AACS: variants seen among roughly 807,000 people sequenced by gnomAD.
The protein encoded by AACS is acetoacetate-CoA ligase.
Under a neutral mutation model 83.1 loss-of-function variants are expected in AACS, and 69 were observed. The observed-to-expected ratio is 0.83, with a 90% confidence interval of 0.68 to 1.01. The LOEUF (loss-of-function observed/expected upper bound fraction) is 1.01, where lower values mean the gene tolerates loss of function less well. Among genes scored for constraint, AACS ranks in the 50% least tolerant of loss-of-function variants. The pLI, the probability that AACS is intolerant of heterozygous loss-of-function variation, is 0.00. For synonymous variants in AACS, 333 were observed against 343.4 expected, an observed-to-expected ratio of 0.97 and a Z score of 0.33; for missense variants, 866 against 882.2, an observed-to-expected ratio of 0.98 and a Z score of 0.23.
rs77693635 is a variant in AACS, at chr12:125,115,682, C to T, written c.996+1125C>T. On this transcript the variant is annotated intron_variant, in intron 9 of 17. Coordinates refer to ENST00000316519, the MANE Select transcript of AACS (RefSeq NM_023928.5). ...ACAGATGCAGGAGGGAGGACAACCCCCCCACCCCAGTGACCTCACACAGGT... is the reference window on the plus strand; with the variant it reads ...ACAGATGCAGGAGGGAGGACAACCCTCCCACCCCAGTGACCTCACACAGGT... 5.6e-3 allele frequency among the ~76,000 whole-genome samples: 857 copies of T among 152,184 alleles called. 5 individuals carry two copies. Among genetic ancestry groups the T allele is most frequent in the African/African-American group, 0.02 (814 of 41,532 alleles).
chr12:125,109,342 C>G (rs1245819734), intron 8 of AACS, among the ~76,000 whole-genome samples: 1 of 152,144 alleles, frequency 6.6e-6, no homozygotes, highest in East Asian at 1.9e-4. Flanking sequence ...GTCATGAACT[C>G]TTGGGCTCAA....
chr12:125,133,248 T>G (rs1409978390), intron 14 of AACS, among the ~76,000 whole-genome samples: 1 of 152,162 alleles, frequency 6.6e-6, no homozygotes, highest in Non-Finnish European at 1.5e-5. Flanking sequence ...TTCTCTTCAC[T>G]GTTTGGCGCC....
Position 125,097,911 on chromosome 12 carries a change from C to T in AACS, c.571-4768C>T, listed in dbSNP as rs945546737. Reference sequence around the variant, plus strand: ...GTCCTCCTTCATACGTTTGATTGAGCGGTTCCTCGGTTCCTCTGTGACCCC... The same window carrying T: ...GTCCTCCTTCATACGTTTGATTGAGTGGTTCCTCGGTTCCTCTGTGACCCC... On this transcript the variant is annotated intron_variant, in intron 5 of 17. Coordinates refer to ENST00000316519, the MANE Select transcript of AACS (RefSeq NM_023928.5). This position sits in a 1 kb window ranked among gnomAD's most constrained non-coding sequence, Gnocchi z 4.3. 2.0e-5 allele frequency among the ~76,000 whole-genome samples: 3 copies of T among 152,220 alleles called. No homozygotes were observed. The highest frequency in any genetic ancestry group is 4.4e-5 in the Non-Finnish European group (3 of 68,042).
At chr12:125,068,572 T>C (rs1227555181) in intron 1 of AACS, among the ~76,000 whole-genome samples, 1 of 152,236 alleles carries the variant, frequency 6.6e-6, no homozygotes, top group African/African-American at 2.4e-5. Flanking sequence ...TGTCCGGAGC[T>C]GAGTGAGGCC....
intron 9 of AACS, 52 bp from the exon 10 acceptor site, chr12:125,118,589 T>TG (rs1271855726): frequency 1.2e-6 from 2 of 1,606,312 alleles, no homozygotes; most frequent in East Asian, 2.2e-5. Context: ...GGGGCAGCGC[T>TG]GGGGGGAGCT....
chr12:125,113,695 G>C lies in AACS; in HGVS notation c.916-782G>C, dbSNP rs1268009273. Among the ~76,000 whole-genome samples the C allele has an allele frequency of 1.3e-5, 2 of 152,162 alleles. No individual in the cohort carries two copies. The highest frequency in any genetic ancestry group is 2.9e-5 in the Non-Finnish European group (2 of 68,030). ...AAAGTGCGGGACACTGTGTCACAAT[G>C]AACAAAATGGCATTAATAAATATGT... On this transcript the variant is annotated intron_variant, in intron 8 of 17. Coordinates refer to ENST00000316519, the MANE Select transcript of AACS (RefSeq NM_023928.5). The surrounding 1 kb of genome is among the most constrained non-coding windows in gnomAD (Gnocchi z 4.8).
intron 3 of AACS, among the ~76,000 whole-genome samples, chr12:125,082,714 G>A (rs1211465832): frequency 6.6e-6 from 1 of 151,982 alleles, no homozygotes; most frequent in African/African-American, 2.4e-5. Flanking sequence ...CCAGCTACTC[G>A]GGAGGCTGAG....
chr12:125,107,481 C>T (rs774180700), intron 8 of AACS, among the ~76,000 whole-genome samples: 5 of 152,198 alleles, frequency 3.3e-5, no homozygotes, highest in African/African-American at 9.7e-5. Flanking sequence ...TGGGATGGCA[C>T]CTAACACCAT....
intron 9 of AACS, among the ~76,000 whole-genome samples, chr12:125,116,587 C>A (rs551256089): frequency 9.2e-5 from 14 of 152,210 alleles, no homozygotes; most frequent in African/African-American, 3.4e-4. Context: ...CCTCAGCCTC[C>A]CGAGTAGCTG....
intron 5 of AACS, among the ~76,000 whole-genome samples, chr12:125,099,110 A>C (rs148812184): frequency 1.3e-5 from 2 of 152,350 alleles, no homozygotes; most frequent in African/African-American, 4.8e-5. Context: ...TGATTAAAGC[A>C]TGGGTTTGGA....
intron 1 of AACS, among the ~76,000 whole-genome samples, chr12:125,072,599 G>A (rs1368449887): frequency 2.0e-5 from 3 of 152,198 alleles, no homozygotes; most frequent in African/African-American, 7.2e-5. Context: ...GCACTGTATG[G>A]CTTCCCTTGG....
intron 1 of AACS, among the ~76,000 whole-genome samples, chr12:125,066,474 A>C (rs1594558256): frequency 2.5e-5 from 3 of 120,330 alleles, no homozygotes; most frequent in Admixed American, 8.9e-5. Flanking sequence ...TTTTTGAGAC[A>C]GTTTCTCTCT....
chr12:125,085,136 G>A (rs1038396423), intron 3 of AACS, among the ~76,000 whole-genome samples: 1 of 152,242 alleles, frequency 6.6e-6, no homozygotes, highest in Admixed American at 6.5e-5. Flanking sequence ...AGGGTTTGGG[G>A]TGGTGGAAAT....
chr12:125,105,221 T>C (rs1956807656), intron 7 of AACS: 1 of 152,182 alleles, frequency 6.6e-6, no homozygotes, highest in Non-Finnish European at 1.5e-5. Flanking sequence ...AGCACCTTCC[T>C]CTCAGGCTGG....
At chr12:125,102,511 C>T (rs1956734736) in intron 5 of AACS, 168 bp from the exon 6 acceptor site, 2 of 635,902 alleles carry the variant, frequency 3.1e-6, no homozygotes, top group Admixed American at 2.3e-5. Context: ...CGTGCCCAGG[C>T]TGGAATGCAG....
intron 10 of AACS, chr12:125,121,408 G>C (rs1308504658): frequency 1.3e-5 from 2 of 152,220 alleles, no homozygotes; most frequent in Non-Finnish European, 2.9e-5. Flanking sequence ...TGCGGGGCAG[G>C]CACAGTCCTC....
In AACS at chr12:125,142,424, G is replaced by A; in HGVS notation, c.*195G>A. The A allele has an allele frequency of 1.4e-6, 1 of 732,486 alleles. No individual in the cohort carries two copies. The highest frequency in any genetic ancestry group is 1.9e-5 in the South Asian group (1 of 51,456). The allele number at this position is 732,486 out of a possible 1,614,324, so 45.4% of individuals were successfully genotyped here. A position where few individuals can be genotyped will look rare whatever the true frequency, so the allele number is the denominator to read the frequency against. ...GGATCTTCCACACGAGTGGGATTCT[G>A]GCCTTCAGAGACCAGGAGGGAGTGT... On this transcript the variant is annotated 3_prime_UTR_variant, in exon 18 of 18. Transcript: ENST00000316519.
intron 1 of AACS, among the ~76,000 whole-genome samples, chr12:125,068,943 A>G (rs1955781626): frequency 6.6e-6 from 1 of 151,422 alleles, no homozygotes; most frequent in South Asian, 2.1e-4. Context: ...GGGTTCAAGC[A>G]GTTCTCCTGC....
At chr12:125,117,594 G>C (rs1048784479) in intron 9 of AACS, 1 of 152,198 alleles carries the variant, frequency 6.6e-6, no homozygotes, top group Non-Finnish European at 1.5e-5. Context: ...AGGTGGCCAG[G>C]AATGTTATGC....
Sources: allele counts gnomAD v4.1 joint callset (sites outside exome capture counted in the v4.1 genomes callset), GRCh38; gene constraint gnomAD v4.1.1; non-coding constraint Gnocchi (gnomAD v3.1); transcripts MANE v1.5; gene names NCBI Gene and HGNC (gene_info 2026-07-23, HGNC 2026-07-21).